RBMS2: variants seen among roughly 807,000 people sequenced by gnomAD.
RBMS2 encodes the protein RNA binding motif single stranded interacting protein 2.
A neutral mutation model predicts 58.4 loss-of-function variants in RBMS2; 38 were observed. The ratio of observed to expected loss-of-function variants is 0.65; its 90% CI spans 0.50 to 0.85. The LOEUF (loss-of-function observed/expected upper bound fraction) is 0.85, where lower values mean the gene tolerates loss of function less well. Ranked by LOEUF, RBMS2 falls within the 40% of genes least tolerant of loss-of-function variation. RBMS2 has a pLI of 0.00. For missense variants in RBMS2, 367 were observed against 503.7 expected, an observed-to-expected ratio of 0.73 and a Z score of 2.60; for synonymous variants, 151 against 180.7, an observed-to-expected ratio of 0.84 and a Z score of 1.32.
At chr12:56,571,558 G>A in intron 4 of RBMS2, 140 bp from the exon 5 acceptor site, 1 of 861,342 alleles carries the variant, frequency 1.2e-6, no homozygotes, top group Non-Finnish European at 1.7e-6. Flanking sequence ...AGTGGGACTG[G>A]GTGTTAACAA....
intron 1 of RBMS2, among the ~76,000 whole-genome samples, chr12:56,556,376 C>CTTTT (rs778701977): frequency 1.4e-5 from 2 of 140,128 alleles, no homozygotes; most frequent in East Asian, 2.1e-4. Flanking sequence ...TGTCTTTTAG[C>CTTTT]TTTTTTTTTT....
intron 1 of RBMS2, among the ~76,000 whole-genome samples, chr12:56,525,012 G>T (rs934956495): frequency 6.6e-6 from 1 of 151,732 alleles, no homozygotes; most frequent in Non-Finnish European, 1.5e-5. Flanking sequence ...ATGAGCCACT[G>T]CGCCTGGCCC....
chr12:56,522,115 C>G (rs756243853), intron 1 of RBMS2, 26 bp downstream of exon 1: 1 of 1,519,296 alleles, frequency 6.6e-7, no homozygotes, highest in East Asian at 2.3e-5. Context: ...TTTTTGGTAT[C>G]TAGCTACTTC....
intron 1 of RBMS2, among the ~76,000 whole-genome samples, chr12:56,539,386 T>C (rs887676913): frequency 9.2e-5 from 14 of 152,294 alleles, no homozygotes; most frequent in Admixed American, 2.6e-4. Context: ...CTTTCTGTTA[T>C]AGAGGGTAAA....
chr12:56,562,336 T>A (rs1239878437), intron 1 of RBMS2, 81 bp from the exon 2 acceptor site: 13 of 1,355,968 alleles, frequency 9.6e-6, no homozygotes, highest in Non-Finnish European at 1.3e-5. Flanking sequence ...GGAATCATTT[T>A]TTCAAGAGGT....
At chr12:56,572,813 A>C in intron 5 of RBMS2, 1 of 985,168 alleles carries the variant, frequency 1.0e-6, no homozygotes. Context: ...CCTGTATTCC[A>C]GAACAATTCT....
chr12:56,562,287 G>C (rs1487900639), intron 1 of RBMS2, 130 bp from the exon 2 acceptor site: 1 of 816,630 alleles, frequency 1.2e-6, no homozygotes, highest in Non-Finnish European at 1.9e-6. Context: ...CAAACTATGT[G>C]TGTCCAAGTG....
rs1592498288 is a variant in RBMS2 at position 56,581,833 on chromosome 12, G to A, written c.733G>A (p.Gly245Ser). ...TGAACACTGTGTTCTTTCTTTATAGGGCGTCATGGCCTTGACCTATGACCC... is the reference window on the plus strand; with the variant it reads ...TGAACACTGTGTTCTTTCTTTATAGAGCGTCATGGCCTTGACCTATGACCC... ...GRAWPRNADM[G>S]VMALTYDPTT... The change falls in exon 8 of 14, where the codon GGC becomes AGC. Residue 245 changes from glycine to serine, a missense_variant and splice_region_variant. Gly to Ser is a moderately conservative substitution (Grantham distance 56, BLOSUM62 0). Coordinates refer to ENST00000262031, the MANE Select transcript of RBMS2 (RefSeq NM_002898.4). 1 of 1,614,064 alleles carries A rather than the reference G, an allele frequency of 6.2e-7. No individual in the cohort carries two copies. The highest frequency in any genetic ancestry group is 8.5e-7 in the Non-Finnish European group (1 of 1,179,996).
At chr12:56,534,491 G>A (rs11837331) in intron 1 of RBMS2, among the ~76,000 whole-genome samples, 4,888 of 152,136 alleles carry the variant, frequency 0.032, 257 homozygotes, top group African/African-American at 0.11. Flanking sequence ...TATAAAATTT[G>A]TCATAGATTT....
In RBMS2 at chr12:56,558,500, G is replaced by T. The variant is rs138314236; in HGVS notation, c.67-3917G>T. ...TGGTCTCTTCATCTGCTTGTGCTTG[G>T]CACATAGTATGGTGCTACTAAAGTT... On this transcript the variant is annotated intron_variant, in intron 1 of 13. Coordinates refer to ENST00000262031, the MANE Select transcript of RBMS2 (RefSeq NM_002898.4). 3.2e-3 allele frequency among the ~76,000 whole-genome samples: 483 copies of T among 150,100 alleles called. 7 individuals carry two copies. The highest frequency in any genetic ancestry group is 0.028 in the East Asian group (139 of 4,978).
At chr12:56,521,502 G>GTTTTTTTTTTTTTTTTTTTT (rs68129205), upstream of RBMS2, among the ~76,000 whole-genome samples, 6 of 73,156 alleles carry the variant, frequency 8.2e-5, no homozygotes, top group African/African-American at 2.8e-4. Flanking sequence ...CTCTAACTCT[G>GTTTTTTTTTTTTTTTTTTTT]TTTTTTTTTT....
At chr12:56,565,241 CTTTTA>C (rs561523439) in intron 2 of RBMS2, among the ~76,000 whole-genome samples, 29 of 151,986 alleles carry the variant, frequency 1.9e-4, no homozygotes, top group East Asian at 3.9e-4. Context: ...AACATTTTAA[CTTTTA>C]TTTTAGGTTA....
chr12:56,520,643 T>C (rs905831875), upstream of RBMS2, among the ~76,000 whole-genome samples: 104 of 152,300 alleles, frequency 6.8e-4, no homozygotes, highest in African/African-American at 2.4e-3. Context: ...AGGTAAGTGT[T>C]GCAACTCTAT....
At chr12:56,530,107 T>C (rs1873430096) in intron 1 of RBMS2, among the ~76,000 whole-genome samples, 1 of 152,064 alleles carries the variant, frequency 6.6e-6, no homozygotes, top group Non-Finnish European at 1.5e-5. Flanking sequence ...AGGCTTTTGC[T>C]ATGTTGCTCA....
chr12:56,561,663 C>T (rs1318075586), intron 1 of RBMS2, among the ~76,000 whole-genome samples: 1 of 148,204 alleles, frequency 6.7e-6, no homozygotes, highest in East Asian at 2.0e-4. Context: ...AGTGCCACTG[C>T]ACCTGGCTAA....
intron 2 of RBMS2, among the ~76,000 whole-genome samples, chr12:56,564,491 T>C (rs766905290): frequency 6.6e-6 from 1 of 151,926 alleles, no homozygotes; most frequent in Non-Finnish European, 1.5e-5. Context: ...GCCTCCTGAG[T>C]AGCTAGGACT....
intron 1 of RBMS2, among the ~76,000 whole-genome samples, chr12:56,534,121 G>GT (rs998244512): frequency 1.3e-4 from 20 of 151,860 alleles, no homozygotes; most frequent in Non-Finnish European, 1.9e-4. Flanking sequence ...TTCTGTTTTT[G>GT]TTTTTGTTTT....
In RBMS2 at chr12:56,539,333, A is replaced by G. The variant is rs1278256351; in HGVS notation, c.66+17244A>G. ...CGCCCAGCCAGAATTCAGCAATTCT[A>G]TAAGTCTATGTTTGTGTATTGATTC... On this transcript the variant is annotated intron_variant, in intron 1 of 13. Coordinates refer to ENST00000262031, the MANE Select transcript of RBMS2 (RefSeq NM_002898.4). 7.9e-5 allele frequency among the ~76,000 whole-genome samples: 12 copies of G among 152,246 alleles called. No individual in the cohort carries two copies. In the South Asian group the frequency reaches 8.3e-4, roughly 11 times the overall value.
intron 1 of RBMS2, among the ~76,000 whole-genome samples, chr12:56,540,912 G>A (rs1007436929): frequency 6.6e-6 from 1 of 152,112 alleles, no homozygotes; most frequent in African/African-American, 2.4e-5. Flanking sequence ...ACCAGACTAG[G>A]TAACATGGCA....
Sources: allele counts gnomAD v4.1 joint callset (sites outside exome capture counted in the v4.1 genomes callset), GRCh38; gene constraint gnomAD v4.1.1; transcripts MANE v1.5; gene names NCBI Gene and HGNC (gene_info 2026-07-23, HGNC 2026-07-21).